Variants in CCN4 observed in about 807,000 individuals in gnomAD.
The protein encoded by CCN4 is CCN family member 4.
CCN4 carries 30 observed loss-of-function variants against 36.7 expected under a neutral mutation model. The observed-to-expected ratio is 0.82, with a 90% CI of 0.61 to 1.11. The LOEUF (loss-of-function observed/expected upper bound fraction) is 1.11, where lower values mean the gene tolerates loss of function less well. CCN4 is among the 50% of genes least tolerant of loss of function. The probability of loss-of-function intolerance (pLI) is 0.00; values close to 1 mark genes in which losing one functional copy is unlikely to be tolerated. For synonymous variants in CCN4, 191 were observed against 195.4 expected, an observed-to-expected ratio of 0.98 and a Z score of 0.19; for missense variants, 505 against 504.9, an observed-to-expected ratio of 1.00 and a Z score of 0.00.
At chr8:133,226,074 T>G (rs572121173) in intron 4 of CCN4, among the ~76,000 whole-genome samples, 20 of 152,192 alleles carry the variant, frequency 1.3e-4, no homozygotes, top group Non-Finnish European at 1.5e-5. Flanking sequence ...GGAGTTGATC[T>G]CTGAAATCCC....
At chr8:133,210,492 G>A (rs996907611) in intron 1 of CCN4, among the ~76,000 whole-genome samples, 1 of 151,918 alleles carries the variant, frequency 6.6e-6, no homozygotes, top group Non-Finnish European at 1.5e-5. Flanking sequence ...ACAAGGGCAG[G>A]CTAACTAGTG....
rs150791429 is a variant in CCN4 at position 133,215,917 on chromosome 8, T to C, written c.349+2774T>C. 2.7e-3 allele frequency among the ~76,000 whole-genome samples: 406 copies of C among 152,218 alleles called. 1 individual carries two copies. Among genetic ancestry groups the C allele is most frequent in the Middle Eastern group, 0.02 (6 of 294 alleles). On this transcript the variant is annotated intron_variant, in intron 2 of 4. Transcript: ENST00000250160. ...AAGAGAGGTATCATAAGCTTCATAA[T>C]AAATTTTTTAGATGTATTTAATACT...
intron 3 of CCN4, among the ~76,000 whole-genome samples, chr8:133,224,987 A>G (rs1000943985): frequency 1.3e-5 from 2 of 151,876 alleles, no homozygotes; most frequent in Admixed American, 6.6e-5. Flanking sequence ...TGATTGATGC[A>G]TACTCAGTAA....
At chr8:133,219,647 G>A (rs1212579507) in intron 2 of CCN4, among the ~76,000 whole-genome samples, 10 of 152,080 alleles carry the variant, frequency 6.6e-5, no homozygotes, top group Admixed American at 5.9e-4. Context: ...TTTAGGAGTG[G>A]TATTTCCATT....
chr8:133,208,822 G>A (rs1411987577), intron 1 of CCN4, among the ~76,000 whole-genome samples: 1 of 152,116 alleles, frequency 6.6e-6, no homozygotes, highest in African/African-American at 2.4e-5. Flanking sequence ...GGTCTGCTTG[G>A]CTCTCACACT....
At chr8:133,197,823 C>G (rs1196666061) in intron 1 of CCN4, among the ~76,000 whole-genome samples, 1 of 152,160 alleles carries the variant, frequency 6.6e-6, no homozygotes, top group African/African-American at 2.4e-5. Flanking sequence ...CACCCTGCAG[C>G]TCTAGGAATC....
At chr8:133,203,825 G>A (rs747001618) in intron 1 of CCN4, among the ~76,000 whole-genome samples, 2 of 152,160 alleles carry the variant, frequency 1.3e-5, no homozygotes, top group Admixed American at 6.5e-5. Flanking sequence ...CCACCCCACC[G>A]CTGCTAGCCT....
chr8:133,214,637 G>A (rs1044799758), intron 2 of CCN4, among the ~76,000 whole-genome samples: 3 of 152,028 alleles, frequency 2.0e-5, no homozygotes, highest in East Asian at 1.9e-4. Flanking sequence ...GCTTCTGTCC[G>A]GACTTGTATT....
rs1448547812 is a variant in CCN4 at position 133,228,124 on chromosome 8, A to G, written c.*414A>G. 5 of 166,748 alleles carry G rather than the reference A, an allele frequency of 3.0e-5. No individual in the cohort carries two copies. The highest frequency in any genetic ancestry group is 2.4e-4 in the Admixed American group (4 of 16,966). 10.3% of individuals were successfully genotyped at this position (166,748 alleles called of 1,614,324 possible). On this transcript the variant is annotated 3_prime_UTR_variant, in exon 5 of 5. Transcript: ENST00000250160. The stretch of plus-strand genomic sequence containing the variant: ...AGATGAATAGATGGAATTTGGAACA[A>G]TAGAATAATCTATTATTTGGAGCCT...
Position 133,229,458 on chromosome 8 carries a change from C to T in CCN4, c.*1748C>T, listed in dbSNP as rs992856287. The T allele has an allele frequency of 5.9e-5, 9 of 152,228 alleles. No individual in the cohort carries two copies. The highest frequency in any genetic ancestry group is 1.3e-4 in the Non-Finnish European group (9 of 68,036). 9.4% of individuals were successfully genotyped at this position (152,228 alleles called of 1,614,324 possible). On this transcript the variant is annotated 3_prime_UTR_variant, in exon 5 of 5. Transcript: ENST00000250160. ...ACAAAAATCCAGGAATCCCCTGTAG[C>T]TTATTCCCTCTTTCCCATCGGAACC... is the stretch of plus-strand genomic sequence containing the variant.
chr8:133,194,795 GTGT>G, intron 1 of CCN4, among the ~76,000 whole-genome samples: 1 of 141,072 alleles, frequency 7.1e-6, no homozygotes, highest in African/African-American at 2.6e-5. Context: ...TGGTGTGTGT[GTGT>G]GGTGTTTATT....
chr8:133,227,208 T>C (rs1019603675), intron 4 of CCN4, among the ~76,000 whole-genome samples: 34 of 152,202 alleles, frequency 2.2e-4, no homozygotes, highest in African/African-American at 8.2e-4. Flanking sequence ...CATTTTTCTC[T>C]GTGGTCCTCC....
At chr8:133,195,096 T>C (rs1383799674) in intron 1 of CCN4, among the ~76,000 whole-genome samples, 6 of 148,930 alleles carry the variant, frequency 4.0e-5, no homozygotes, top group Admixed American at 1.3e-4. Context: ...GTGTGTGTGG[T>C]GTGCGTGGTG....
chr8:133,221,735 G>A (rs1854536143), intron 3 of CCN4, among the ~76,000 whole-genome samples: 1 of 151,938 alleles, frequency 6.6e-6, no homozygotes, highest in African/African-American at 2.4e-5. Context: ...ATGGATGGAT[G>A]GATGGATATA....
chr8:133,222,181 C>T (rs529402960), intron 3 of CCN4, among the ~76,000 whole-genome samples: 1 of 152,086 alleles, frequency 6.6e-6, no homozygotes, highest in African/African-American at 2.4e-5. Flanking sequence ...GATGGATGGG[C>T]TAATGAGGAT....
intron 1 of CCN4, among the ~76,000 whole-genome samples, chr8:133,200,772 C>T (rs866044995): frequency 2.6e-5 from 4 of 152,300 alleles, no homozygotes; most frequent in Non-Finnish European, 5.9e-5. Context: ...CACTGCCTTC[C>T]CCAGGGGAGG....
intron 1 of CCN4, among the ~76,000 whole-genome samples, chr8:133,197,416 T>G (rs533826691): frequency 9.7e-4 from 148 of 152,016 alleles, no homozygotes; most frequent in Admixed American, 2.1e-3. Context: ...TGAACCAGAA[T>G]TCCTAGAAAG....
intron 1 of CCN4, among the ~76,000 whole-genome samples, chr8:133,199,801 C>T (rs750308912): frequency 1.1e-4 from 16 of 152,146 alleles, no homozygotes; most frequent in Non-Finnish European, 1.6e-4. Flanking sequence ...AACTTTGGCT[C>T]TTAGATGATC....
chr8:133,224,257 T>TG (rs1854645213), intron 3 of CCN4, among the ~76,000 whole-genome samples: 2 of 77,398 alleles, frequency 2.6e-5, no homozygotes, highest in African/African-American at 5.3e-5. Flanking sequence ...TTTTTTTTTT[T>TG]TGAGACAGAA....
Sources: gnomAD v4.1 joint callset for allele counts (sites outside exome capture counted in the v4.1 genomes callset) on GRCh38, gnomAD v4.1.1 for gene constraint, MANE v1.5 for transcripts, NCBI Gene and HGNC (gene_info 2026-07-23, HGNC 2026-07-21) for gene names.